MTMR1: variants seen among roughly 807,000 people sequenced by gnomAD.
The protein encoded by MTMR1 is myotubularin related protein 1, also known as phosphatidylinositol-3-phosphate phosphatase MTMR1.
Under a neutral mutation model 51.6 loss-of-function variants are expected in MTMR1, and 17 were observed. That is an observed-to-expected ratio of 0.33 (90% CI 0.23 to 0.49). The LOEUF (loss-of-function observed/expected upper bound fraction) is 0.49. Ranked by LOEUF, MTMR1 falls within the 20% of genes least tolerant of loss-of-function variation. MTMR1 has a pLI of 0.99. For missense variants in MTMR1, 386 were observed against 526.9 expected (o/e 0.73, Z 2.62); for synonymous variants, 201 against 205.6 (o/e 0.98, Z 0.19).
chrX:150,736,871 G>A, intron 11 of MTMR1, 91 bp downstream of exon 11: 1 of 876,648 alleles, frequency 1.1e-6, no homozygotes, highest in Non-Finnish European at 1.5e-6. Context: ...CCTCTTGGCT[G>A]TGTGCATGAA....
chrX:150,739,432 T>A (rs182300061), intron 12 of MTMR1, among the ~76,000 whole-genome samples: 1 of 112,711 alleles, frequency 8.9e-6, no homozygotes, highest in East Asian at 2.8e-4. Context: ...GTGTGGAATC[T>A]TTCCAGATGT....
intron 14 of MTMR1, among the ~76,000 whole-genome samples, chrX:150,755,157 CAATTCT>C (rs1412286406): frequency 1.8e-5 from 2 of 111,404 alleles, no homozygotes; most frequent in Non-Finnish European, 3.8e-5. Flanking sequence ...TGGCCTCAAG[CAATTCT>C]GCCACCTCAG....
intron 4 of MTMR1, among the ~76,000 whole-genome samples, chrX:150,722,803 T>A (rs1255879376): frequency 9.0e-6 from 1 of 111,109 alleles, no homozygotes; most frequent in African/African-American, 3.3e-5. Context: ...TGTTCTTTTT[T>A]CCCTCTTTTT....
intron 12 of MTMR1, among the ~76,000 whole-genome samples, chrX:150,741,717 G>A: frequency 8.9e-6 from 1 of 112,742 alleles, no homozygotes. Context: ...CGAGGGCCAG[G>A]CATGATGCCT....
rs2042063341 is a variant in MTMR1 at position 150,730,006 on chromosome X, G to T, written c.556-103G>T. On this transcript the variant is annotated intron_variant, in intron 6 of 15. Coordinates refer to ENST00000445323, the MANE Select transcript of MTMR1 (RefSeq NM_001306144.3). The stretch of plus-strand genomic sequence containing the variant: ...TGGAGCAGGATAAAGTATAAAAGGA[G>T]AAATGAATTAAAAAAAAATAATTTC... 8.6e-6 allele frequency: 4 copies of T among 464,622 alleles called. No homozygotes were observed. In the East Asian group the frequency reaches 1.7e-4, roughly 20 times the overall value. The allele number at this position is 464,622 out of a possible 1,213,427, so 38.3% of individuals were successfully genotyped here.
intron 14 of MTMR1, among the ~76,000 whole-genome samples, chrX:150,751,910 C>CTTTTTTTTTTTT (rs35937277): frequency 2.4e-5 from 1 of 41,622 alleles, no homozygotes; most frequent in African/African-American, 1.1e-4. Context: ...CTTTTTCTTT[C>CTTTTTTTTTTTT]TTTTTTTTTT....
At chrX:150,759,402 G>A (rs1173514768) in intron 15 of MTMR1, among the ~76,000 whole-genome samples, 1 of 109,589 alleles carries the variant, frequency 9.1e-6, no homozygotes, top group East Asian at 2.8e-4. Flanking sequence ...TCAAAGGCCC[G>A]GGTGGTTGGT....
intron 1 of MTMR1, among the ~76,000 whole-genome samples, chrX:150,694,386 G>C (rs2040596456): frequency 8.9e-6 from 1 of 111,798 alleles, no homozygotes; most frequent in Non-Finnish European, 1.9e-5. Context: ...GTGTCGAACT[G>C]GGAGGGGCCA....
At chrX:150,732,936 T>C (rs1557417046) in intron 10 of MTMR1, among the ~76,000 whole-genome samples, 1 of 112,224 alleles carries the variant, frequency 8.9e-6, no homozygotes, top group East Asian at 2.8e-4. Context: ...TCATTGCTTC[T>C]CTACAATATC....
intron 3 of MTMR1, 124 bp from the exon 4 acceptor site, chrX:150,718,501 T>C (rs1198825123): frequency 1.7e-5 from 15 of 903,953 alleles, no homozygotes; most frequent in Non-Finnish European, 2.0e-5. Context: ...TTTTGCACGC[T>C]TCTGTAGCCT....
chrX:150,721,913 T>G (rs1371514904), intron 4 of MTMR1, among the ~76,000 whole-genome samples: 6 of 111,927 alleles, frequency 5.4e-5, no homozygotes, highest in African/African-American at 1.9e-4. Context: ...ACTGCTACTT[T>G]AGCAGCATTT....
chrX:150,736,827 G>T, intron 11 of MTMR1, 47 bp downstream of exon 11: 3 of 1,094,519 alleles, frequency 2.7e-6, no homozygotes, highest in African/African-American at 3.6e-5. Context: ...AGACTTCTTT[G>T]TGCCTGTGCC....
chrX:150,744,343 CCTT>C lies in MTMR1; in HGVS notation c.1474-15_1474-13del. 1.7e-6 allele frequency: 2 copies of C among 1,186,919 alleles called. No homozygotes were observed. Among genetic ancestry groups the C allele is most frequent in the Non-Finnish European group, 2.3e-6 (2 of 874,552 alleles). ...CTATAACATACGTTAAAACGTTTAA[CCTT>C]CTGTTTCTGTTCAGCGAGTGGGCCA... On this transcript the variant is annotated splice_polypyrimidine_tract_variant and intron_variant, in intron 12 of 15. Coordinates refer to ENST00000445323, the MANE Select transcript of MTMR1 (RefSeq NM_001306144.3).
chrX:150,756,073 T>TAA (rs1557417755), intron 15 of MTMR1, among the ~76,000 whole-genome samples: 1 of 111,954 alleles, frequency 8.9e-6, no homozygotes, highest in Non-Finnish European at 1.9e-5. Flanking sequence ...GGGTTACAGT[T>TAA]AAAAAGTCTT....
At chrX:150,736,356 G>T in intron 10 of MTMR1, 1 of 344,506 alleles carries the variant, frequency 2.9e-6, no homozygotes, top group East Asian at 4.6e-5. Context: ...GCATGGCACT[G>T]CCGATACCTT....
At chrX:150,760,406 C>G (rs1174287276) in intron 15 of MTMR1, among the ~76,000 whole-genome samples, 7 of 111,070 alleles carry the variant, frequency 6.3e-5, no homozygotes, top group African/African-American at 1.6e-4. Flanking sequence ...GATTGGCTGC[C>G]GAGAAAGGGG....
chrX:150,758,251 C>T (rs2148676323), intron 15 of MTMR1, among the ~76,000 whole-genome samples: 1 of 111,442 alleles, frequency 9.0e-6, no homozygotes, highest in South Asian at 3.8e-4. Flanking sequence ...ACTGGCCTCT[C>T]CCTCAGGTCT....
At chrX:150,760,641 A>G (rs1232966425) in intron 15 of MTMR1, among the ~76,000 whole-genome samples, 2 of 112,139 alleles carry the variant, frequency 1.8e-5, no homozygotes, top group African/African-American at 6.5e-5. Context: ...ATATGTGAGT[A>G]GGCCAGGCGC....
At chrX:150,701,353 C>A (rs183117007) in intron 2 of MTMR1, among the ~76,000 whole-genome samples, 1 of 112,164 alleles carries the variant, frequency 8.9e-6, no homozygotes, top group East Asian at 2.8e-4. Flanking sequence ...GGGGTTGACC[C>A]TGAAGAGCCA....
Sources: gnomAD v4.1 joint callset for allele counts (sites outside exome capture counted in the v4.1 genomes callset) on GRCh38, gnomAD v4.1.1 for gene constraint, MANE v1.5 for transcripts, NCBI Gene and HGNC (gene_info 2026-07-23, HGNC 2026-07-21) for gene names.